Variants in TSPAN18 observed in about 807,000 individuals in gnomAD.
TSPAN18 encodes tetraspanin-18.
A neutral mutation model predicts 27.3 loss-of-function variants in TSPAN18; 14 were observed. That is an observed-to-expected ratio of 0.51 (90% CI 0.34 to 0.80). The LOEUF (loss-of-function observed/expected upper bound fraction) is 0.80, where lower values mean the gene tolerates loss of function less well. Ranked by LOEUF, TSPAN18 falls within the 30% of genes least tolerant of loss-of-function variation. The pLI, the probability that TSPAN18 is intolerant of heterozygous loss-of-function variation, is 0.01. For missense variants in TSPAN18, 268 were observed against 323.9 expected, an observed-to-expected ratio of 0.83 and a Z score of 1.32; for synonymous variants, 143 against 136.5, an observed-to-expected ratio of 1.05 and a Z score of -0.33.
chr11:44,926,613 G>T, intron 8 of TSPAN18, 61 bp from the exon 9 acceptor site: 2 of 1,484,938 alleles, frequency 1.3e-6, no homozygotes, highest in African/African-American at 1.4e-5. Flanking sequence ...CCACATGCTG[G>T]ACTCTGACTC....
In TSPAN18 at chr11:44,912,267, C is replaced by T. The variant is rs1037904547; in HGVS notation, c.258+2368C>T. Among the ~76,000 whole-genome samples the T allele has an allele frequency of 3.3e-5, 5 of 152,142 alleles. No individual in the cohort carries two copies. The South Asian group carries it at 6.2e-4, about 19-fold the overall frequency. ...GAACTCCTGGGCTCAAATGATCCAC[C>T]GCCTCGGCCTCTCAGAGTGTTGGGA... On this transcript the variant is annotated intron_variant, in intron 5 of 9. Transcript: ENST00000520358.
rs538569540 is a variant in TSPAN18 at position 44,799,397 on chromosome 11, G to A, written c.-153+34885G>A. On this transcript the variant is annotated intron_variant, in intron 2 of 9. Transcript: ENST00000520358. ...ACACCCACGACACCATGCCAACCTC[G>A]GATTTAAAAGTTTTATTAGATTAGC... Among the ~76,000 whole-genome samples the A allele has an allele frequency of 2.3e-4, 35 of 152,172 alleles. No individual in the cohort carries two copies. The South Asian group carries it at 7.3e-3, about 32-fold the overall frequency.
intron 2 of TSPAN18, among the ~76,000 whole-genome samples, chr11:44,825,831 T>A (rs1413778329): frequency 6.6e-6 from 1 of 151,212 alleles, no homozygotes; most frequent in Non-Finnish European, 1.5e-5. Flanking sequence ...TCTCCATGAG[T>A]GTGTTTAGGG....
upstream of TSPAN18, chr11:44,726,326 A>C (rs1854499297): frequency 6.6e-6 from 1 of 152,296 alleles, no homozygotes; most frequent in South Asian, 2.1e-4. Flanking sequence ...CTGCTGTGGC[A>C]GCAGTACAGA....
chr11:44,796,222 T>G (rs902991630), intron 2 of TSPAN18, among the ~76,000 whole-genome samples: 9 of 152,220 alleles, frequency 5.9e-5, no homozygotes, highest in African/African-American at 2.2e-4. Context: ...TAATTTCATT[T>G]TAATTATTTA....
intron 1 of TSPAN18, among the ~76,000 whole-genome samples, chr11:44,761,898 A>G (rs1202025755): frequency 6.6e-6 from 1 of 152,196 alleles, no homozygotes; most frequent in Non-Finnish European, 1.5e-5. Flanking sequence ...TGCGCCAGCC[A>G]AGTCCCACAC....
chr11:44,854,630 G>C (rs1417931108), intron 2 of TSPAN18, among the ~76,000 whole-genome samples: 2 of 152,140 alleles, frequency 1.3e-5, no homozygotes, highest in African/African-American at 4.8e-5. Flanking sequence ...TGAGGCCCCG[G>C]TACCAGCACA....
chr11:44,740,961 G>T (rs1458102036), intron 1 of TSPAN18, among the ~76,000 whole-genome samples: 2 of 152,166 alleles, frequency 1.3e-5, no homozygotes, highest in Non-Finnish European at 2.9e-5. Flanking sequence ...TGTATTTTTA[G>T]TAGAGACGAG....
intron 5 of TSPAN18, among the ~76,000 whole-genome samples, chr11:44,916,894 G>T (rs1859930833): frequency 6.6e-6 from 1 of 152,248 alleles, no homozygotes; most frequent in African/African-American, 2.4e-5. Flanking sequence ...ACTTTGTCAA[G>T]GGCACCAGCT....
intron 1 of TSPAN18, among the ~76,000 whole-genome samples, chr11:44,734,544 A>G (rs1269932991): frequency 2.0e-5 from 3 of 152,242 alleles, no homozygotes; most frequent in Non-Finnish European, 4.4e-5. Context: ...GCAAGGGAAC[A>G]GTGCCTGGGG....
intron 3 of TSPAN18, among the ~76,000 whole-genome samples, chr11:44,863,744 G>A (rs1433276217): frequency 6.6e-6 from 1 of 152,032 alleles, no homozygotes; most frequent in African/African-American, 2.4e-5. Flanking sequence ...TCTGAGCTCT[G>A]CTAGCAGTAC....
At chr11:44,875,265 A>G (rs1392034397) in intron 3 of TSPAN18, among the ~76,000 whole-genome samples, 1 of 152,222 alleles carries the variant, frequency 6.6e-6, no homozygotes, top group African/African-American at 2.4e-5. Context: ...TAAGCCTGCA[A>G]TTAGGCAAGC....
intron 3 of TSPAN18, among the ~76,000 whole-genome samples, chr11:44,892,587 G>A (rs1341410394): frequency 1.3e-5 from 2 of 152,258 alleles, no homozygotes; most frequent in East Asian, 3.8e-4. Context: ...GGTGGTCTCA[G>A]TACAATGTCT....
intron 3 of TSPAN18, among the ~76,000 whole-genome samples, chr11:44,899,589 G>A (rs867515530): frequency 5.3e-5 from 8 of 151,918 alleles, no homozygotes; most frequent in African/African-American, 1.9e-4. Flanking sequence ...GGGGCAGGAG[G>A]GAGGAACAGA....
intron 1 of TSPAN18, among the ~76,000 whole-genome samples, chr11:44,731,514 CATT>C (rs147467822): frequency 0.027 from 4,090 of 151,852 alleles, 70 homozygotes; most frequent in Middle Eastern, 0.044. Flanking sequence ...CTATCATCAT[CATT>C]GTCATGATTA....
At chr11:44,849,344 A>G (rs1292202897) in intron 2 of TSPAN18, among the ~76,000 whole-genome samples, 1 of 152,322 alleles carries the variant, frequency 6.6e-6, no homozygotes, top group East Asian at 1.9e-4. Flanking sequence ...GAGGATTCTC[A>G]GGAGAGCTCT....
intron 2 of TSPAN18, among the ~76,000 whole-genome samples, chr11:44,825,496 G>A (rs1030050931): frequency 1.3e-5 from 2 of 152,294 alleles, no homozygotes; most frequent in Middle Eastern, 3.4e-3. Context: ...TGTGCGCCCC[G>A]ATTCACTGGT....
intron 2 of TSPAN18, among the ~76,000 whole-genome samples, chr11:44,838,346 T>C (rs887112087): frequency 2.0e-5 from 3 of 152,112 alleles, no homozygotes; most frequent in Non-Finnish European, 2.9e-5. Flanking sequence ...TTAATCACTA[T>C]AATGAGAACA....
chr11:44,803,191 CA>C (rs887178494), intron 2 of TSPAN18, among the ~76,000 whole-genome samples: 16 of 152,210 alleles, frequency 1.1e-4, no homozygotes, highest in African/African-American at 3.6e-4. Flanking sequence ...AAAATTCACA[CA>C]GGCAGATAAG....
Sources: allele counts gnomAD v4.1 joint callset (sites outside exome capture counted in the v4.1 genomes callset), GRCh38; gene constraint gnomAD v4.1.1; transcripts MANE v1.5; gene names NCBI Gene and HGNC (gene_info 2026-07-23, HGNC 2026-07-21).